MSRA: variants seen among roughly 807,000 people sequenced by gnomAD.
MSRA encodes mitochondrial peptide methionine sulfoxide reductase.
In MSRA, 54 loss-of-function variants were observed where a neutral mutation model predicts 31.3. The ratio of observed to expected loss-of-function variants is 1.73; its 90% CI spans 1.39 to 2.17. The LOEUF (loss-of-function observed/expected upper bound fraction) is 2.17. Among genes scored for constraint, MSRA ranks in the 30% most tolerant of loss-of-function variants. MSRA has a pLI of 0.00. For missense variants in MSRA, 507 were observed against 300.9 expected, an observed-to-expected ratio of 1.69 and a Z score of -5.07; for synonymous variants, 169 against 116.5, an observed-to-expected ratio of 1.45 and a Z score of -2.90.
intron 5 of MSRA, among the ~76,000 whole-genome samples, chr8:10,331,778 C>G (rs1182075901): frequency 6.6e-6 from 1 of 152,180 alleles, no homozygotes; most frequent in Non-Finnish European, 1.5e-5. Flanking sequence ...CTCTTGTGTA[C>G]TTTAAATAAT....
rs1372074404 is a variant in MSRA at position 10,139,145 on chromosome 8, T to C, written c.143-68688T>C. 5.3e-5 allele frequency among the ~76,000 whole-genome samples: 8 copies of C among 152,372 alleles called. No individual in the cohort carries two copies. The South Asian group carries it at 1.7e-3, about 32-fold the overall frequency. On this transcript the variant is annotated intron_variant, in intron 1 of 5. Coordinates refer to ENST00000317173, the MANE Select transcript of MSRA (RefSeq NM_012331.5). The stretch of plus-strand genomic sequence containing the variant: ...GCCGAAGAATACTGAGGTTTGAGTT[T>C]CTGATGTTTTGTGAATTTTTCACTG...
chr8:10,362,822 C>T (rs1255885637), intron 5 of MSRA, among the ~76,000 whole-genome samples: 5 of 151,990 alleles, frequency 3.3e-5, no homozygotes, highest in East Asian at 1.9e-4. Flanking sequence ...CGCAACTGCC[C>T]GCGCCACCGG....
chr8:10,094,028 T>G (rs1798994231), intron 1 of MSRA, among the ~76,000 whole-genome samples: 1 of 152,234 alleles, frequency 6.6e-6, no homozygotes, highest in African/African-American at 2.4e-5. Flanking sequence ...CCAATGCTGC[T>G]TTCAAGATTC....
intron 1 of MSRA, among the ~76,000 whole-genome samples, chr8:10,201,832 C>T: frequency 6.6e-6 from 1 of 152,176 alleles, no homozygotes. Context: ...TGTTTCTTGT[C>T]CTCATATCTT....
chr8:10,155,338 G>A lies in MSRA; in HGVS notation c.143-52495G>A, dbSNP rs561918271. On this transcript the variant is annotated intron_variant, in intron 1 of 5. Transcript: ENST00000317173. Reference sequence around the variant, plus strand: ...ATAAATATGAGGAATGTGAGGTACTGGATTTGAGTTGAAAGTATCAGTATG... The same window carrying A: ...ATAAATATGAGGAATGTGAGGTACTAGATTTGAGTTGAAAGTATCAGTATG... 1.4e-4 allele frequency among the ~76,000 whole-genome samples: 22 copies of A among 152,284 alleles called. No homozygotes were observed. In the South Asian group the frequency reaches 4.4e-3, roughly 30 times the overall value.
At chr8:10,204,678 C>T (rs558400496) in intron 1 of MSRA, among the ~76,000 whole-genome samples, 2 of 152,296 alleles carry the variant, frequency 1.3e-5, no homozygotes, top group South Asian at 2.1e-4. Flanking sequence ...ACATAGATTT[C>T]CCTGAATATA....
intron 5 of MSRA, among the ~76,000 whole-genome samples, chr8:10,377,857 T>G (rs1563411451): frequency 6.6e-6 from 1 of 152,188 alleles, no homozygotes; most frequent in Non-Finnish European, 1.5e-5. Context: ...GGATCCACTT[T>G]GCACAGATCT....
chr8:10,245,207 T>C lies in MSRA; in HGVS notation c.315T>C (p.Tyr105=), dbSNP rs764863273. The change falls in exon 3 of 6, where the codon TAT becomes TAC. Residue 105 remains tyrosine, a synonymous_variant. Transcript: ENST00000317173. Reference sequence around the variant, plus strand: ...GAGGCTATACTTCAAATCCTACTTATAAAGAAGTCTGCTCAGGTAGGAAGA... The same window carrying C: ...GAGGCTATACTTCAAATCCTACTTACAAAGAAGTCTGCTCAGGTAGGAAGA... ...FAGGYTSNPT[Y]KEVCSEKTGH... 8 of 1,613,342 alleles carry C rather than the reference T, an allele frequency of 5.0e-6. No individual in the cohort carries two copies. The Admixed American group carries it at 5.0e-5, about 10-fold the overall frequency.
At chr8:10,419,105 C>T (rs879386078) in intron 5 of MSRA, among the ~76,000 whole-genome samples, 1 of 152,202 alleles carries the variant, frequency 6.6e-6, no homozygotes, top group African/African-American at 2.4e-5. Context: ...GGTTCATAGG[C>T]ATCAGCATCT....
chr8:10,074,737 C>T (rs1797918795), intron 1 of MSRA, among the ~76,000 whole-genome samples: 1 of 152,130 alleles, frequency 6.6e-6, no homozygotes, highest in African/African-American at 2.4e-5. Context: ...CTCCTCACAG[C>T]AACCTCTGCC....
At chr8:10,332,004 A>G (rs1802729417) in intron 5 of MSRA, among the ~76,000 whole-genome samples, 1 of 152,238 alleles carries the variant, frequency 6.6e-6, no homozygotes, top group Non-Finnish European at 1.5e-5. Flanking sequence ...AAGGCTGTCT[A>G]CAGTGACTTC....
At chr8:10,144,642 G>A (rs138457749) in intron 1 of MSRA, among the ~76,000 whole-genome samples, 3,724 of 128,750 alleles carry the variant, frequency 0.029, 100 homozygotes, top group Admixed American at 0.1. Flanking sequence ...CTTGATCTCT[G>A]CAATGTGCCC....
chr8:10,362,265 T>C (rs916430368), intron 5 of MSRA, among the ~76,000 whole-genome samples: 1 of 152,062 alleles, frequency 6.6e-6, no homozygotes, highest in Admixed American at 6.5e-5. Context: ...TCGTCCTTAC[T>C]TAGGAGCACT....
At chr8:10,268,725 G>A (rs1179399772) in intron 3 of MSRA, among the ~76,000 whole-genome samples, 7 of 152,264 alleles carry the variant, frequency 4.6e-5, no homozygotes, top group Non-Finnish European at 1.0e-4. Flanking sequence ...ATATGGGCCT[G>A]TGGCCCCAGG....
chr8:10,341,312 A>G (rs752933846), intron 5 of MSRA, among the ~76,000 whole-genome samples: 3 of 152,278 alleles, frequency 2.0e-5, no homozygotes, highest in Non-Finnish European at 2.9e-5. Context: ...AAGGGGGAAC[A>G]GGCACATCAC....
chr8:10,377,141 C>G (rs956462966), intron 5 of MSRA, among the ~76,000 whole-genome samples: 2 of 152,234 alleles, frequency 1.3e-5, no homozygotes, highest in Non-Finnish European at 2.9e-5. Flanking sequence ...TCCCACTGAA[C>G]GTAATGATCG....
At chr8:10,232,737 C>T (rs887044019) in intron 2 of MSRA, among the ~76,000 whole-genome samples, 1 of 152,094 alleles carries the variant, frequency 6.6e-6, no homozygotes, top group Admixed American at 6.5e-5. Flanking sequence ...TGAGTAATGA[C>T]AGATTAAAAT....
intron 5 of MSRA, among the ~76,000 whole-genome samples, chr8:10,376,169 C>T (rs1356821735): frequency 6.6e-6 from 1 of 152,204 alleles, no homozygotes; most frequent in South Asian, 2.1e-4. Flanking sequence ...ATGGATAATG[C>T]ATTCCTTTAG....
At chr8:10,152,182 A>G (rs1803738226) in intron 1 of MSRA, among the ~76,000 whole-genome samples, 1 of 152,234 alleles carries the variant, frequency 6.6e-6, no homozygotes, top group South Asian at 2.1e-4. Flanking sequence ...CTTCAGCTTG[A>G]AAAGTATAGA....
Sources: gnomAD v4.1 joint callset for allele counts (sites outside exome capture counted in the v4.1 genomes callset) on GRCh38, gnomAD v4.1.1 for gene constraint, MANE v1.5 for transcripts, NCBI Gene and HGNC (gene_info 2026-07-23, HGNC 2026-07-21) for gene names.